The following ZBTB18 variants were observed in gnomAD, a reference collection of about 807,000 sequenced individuals.
ZBTB18 encodes zinc finger and BTB domain containing 18.
ZBTB18 carries 2 observed loss-of-function variants against 37.7 expected under a neutral mutation model. That is an observed-to-expected ratio of 0.05 (90% CI 0.02 to 0.17). The LOEUF is 0.17. ZBTB18 is among the 10% of genes least tolerant of loss of function. The pLI is 1.00. For synonymous variants in ZBTB18, 304 were observed against 276.5 expected (o/e 1.10, Z -0.99); for missense variants, 408 against 686.3 (o/e 0.59, Z 4.53).
At position 244,056,723 on chromosome 1, in the gene ZBTB18, G is replaced by A. The variant is rs1048186149; in HGVS notation, c.*1353G>A. On this transcript the variant is annotated 3_prime_UTR_variant, in exon 2 of 2. Transcript: ENST00000358704. ...ATTCTATGGACTGAAAAAGCCCCAG[G>A]CTGAAAGGACTGGACTGCCTTGATT... The A allele has an allele frequency of 1.9e-5, 3 of 157,030 alleles. No individual in the cohort carries two copies. The highest frequency in any genetic ancestry group is 7.9e-5 in the African/African-American group (3 of 37,852). The allele number at this position is 157,030 out of a possible 1,614,324, so 9.7% of individuals were successfully genotyped here.
chr1:244,048,628 G>GCCCCCCCCCCC (rs1325001619), upstream of ZBTB18, among the ~76,000 whole-genome samples: 4 of 79,488 alleles, frequency 5.0e-5, no homozygotes, highest in Non-Finnish European at 1.2e-4. Flanking sequence ...CCCCGCGCCC[G>GCCCCCCCCCCC]CCCCCCCCCC....
Position 244,057,039 on chromosome 1 carries a change from T to G in ZBTB18, c.*1669T>G, listed in dbSNP as rs1698488113. ...AAAACTCCATTGTGTGTTGCTGGACTGTTTTGGAAATATTTGGTTAAATGT... is the reference window on the plus strand; with the variant it reads ...AAAACTCCATTGTGTGTTGCTGGACGGTTTTGGAAATATTTGGTTAAATGT... On this transcript the variant is annotated 3_prime_UTR_variant, in exon 2 of 2. Transcript: ENST00000358704. The G allele has an allele frequency of 1.2e-5, 2 of 167,058 alleles. No individual in the cohort carries two copies. Among genetic ancestry groups the G allele is most frequent in the African/African-American group, 2.4e-5 (1 of 41,438 alleles). The allele number at this position is 167,058 out of a possible 1,614,324, so 10.3% of individuals were successfully genotyped here.
At chr1:244,050,473 G>C (rs2453189), upstream of ZBTB18, among the ~76,000 whole-genome samples, 4 of 140,826 alleles carry the variant, frequency 2.8e-5, no homozygotes, top group African/African-American at 1.1e-4. Context: ...AAGGGACACA[G>C]ATCAAGGGGA....
rs756449522 is a variant in ZBTB18 at position 244,054,974 on chromosome 1, G to T, written c.1200G>T (p.Thr400=). The T allele has an allele frequency of 1.2e-6, 2 of 1,613,950 alleles. No individual in the cohort carries two copies. The highest frequency in any genetic ancestry group is 1.7e-5 in the Admixed American group (1 of 60,010). Residue 400 remains threonine (T), a synonymous_variant, in exon 2 of 2, where the codon ACG becomes ACT. Coordinates refer to ENST00000358704, the MANE Select transcript of ZBTB18 (RefSeq NM_205768.3). This position sits in a 1 kb window ranked among gnomAD's most constrained non-coding sequence, Gnocchi z 9.0. The part of the protein sequence containing the change: ...SPHILQIHLS[T]HFREQDGIRS... ...ACATCCTGCAGATCCACCTGAGCACGCACTTCCGCGAGCAGGACGGCATCC... is the reference window on the plus strand; with the variant it reads ...ACATCCTGCAGATCCACCTGAGCACTCACTTCCGCGAGCAGGACGGCATCC...
upstream of ZBTB18, chr1:244,049,122 T>C (rs1476671436): frequency 7.4e-6 from 1 of 135,508 alleles, no homozygotes; most frequent in Non-Finnish European, 1.6e-5. Context: ...GCGGGCCGGG[T>C]CGGGGGCGCC....
At chr1:244,048,818 C>CG (rs1266691611), upstream of ZBTB18, 1 of 99,050 alleles carries the variant, frequency 1.0e-5, no homozygotes, top group African/African-American at 3.7e-5. Flanking sequence ...GAGGGAGGGG[C>CG]GGGGGGGAGC....
chr1:244,048,682 C>G (rs1239376799), upstream of ZBTB18, among the ~76,000 whole-genome samples: 1 of 145,134 alleles, frequency 6.9e-6, no homozygotes, highest in Non-Finnish European at 1.6e-5. Flanking sequence ...CGCTCGCTCC[C>G]TCGCTCGCTC....
chr1:244,054,458 A>G lies in ZBTB18; in HGVS notation c.684A>G (p.Thr228=), dbSNP rs1369367518. 18 of 1,614,208 alleles carry G rather than the reference A, an allele frequency of 1.1e-5. No homozygotes were observed. Among genetic ancestry groups the G allele is most frequent in the Non-Finnish European group, 1.4e-5 (17 of 1,180,036 alleles). Residue 228 remains threonine, a synonymous_variant, in exon 2 of 2, where the codon ACA becomes ACG. Coordinates refer to ENST00000358704, the MANE Select transcript of ZBTB18 (RefSeq NM_205768.3). The surrounding 1 kb of genome is among the most constrained non-coding windows in gnomAD (Gnocchi z 9.0). ...GKTVASPCSS[T]ESLSQRSVTS... ...CAGTAGCCAGCCCCTGCAGCTCAAC[A>G]GAGTCTTTGTCCCAGAGGTCTGTCA... is the stretch of plus-strand genomic sequence containing the variant.
At position 244,057,312 on chromosome 1, in the gene ZBTB18, C is replaced by T. The variant is rs1445519780; in HGVS notation, c.*1942C>T. On this transcript the variant is annotated 3_prime_UTR_variant, in exon 2 of 2. Transcript: ENST00000358704. ...TTTTTCCTTTTCTTAGTTTCACATT[C>T]TTCCTTTGTTCTAAAACTTAGACTG... 1.8e-5 allele frequency: 3 copies of T among 166,920 alleles called. No individual in the cohort carries two copies. Among genetic ancestry groups the T allele is most frequent in the African/African-American group, 4.8e-5 (2 of 41,444 alleles). The allele number at this position is 166,920 out of a possible 1,614,324, so 10.3% of individuals were successfully genotyped here.
upstream of ZBTB18, among the ~76,000 whole-genome samples, chr1:244,048,653 A>T (rs1455538517): frequency 1.2e-3 from 41 of 33,864 alleles, no homozygotes; most frequent in African/African-American, 4.9e-3. Context: ...CCGCCCCCCC[A>T]CCCGGCCCGG....
chr1:244,053,858 C>T lies in ZBTB18; in HGVS notation c.84C>T (p.His28=). ...HLLQCLSEQR[H]QGFLCDCTVL... ...TACAGTGTCTGAGCGAGCAGAGACA[C>T]CAGGGTTTTCTTTGTGACTGCACTG... Residue 28 remains histidine (H), a synonymous_variant, in exon 2 of 2, where the codon CAC becomes CAT. Transcript: ENST00000358704. This position sits in a 1 kb window ranked among gnomAD's most constrained non-coding sequence, Gnocchi z 5.2. 6.2e-7 allele frequency: 1 copy of T among 1,614,084 alleles called. No homozygotes were observed. The highest frequency in any genetic ancestry group is 8.5e-7 in the Non-Finnish European group (1 of 1,180,020).
At chr1:244,051,777 T>C (rs1308959538) in intron 1 of ZBTB18, among the ~76,000 whole-genome samples, 1 of 152,134 alleles carries the variant, frequency 6.6e-6, no homozygotes, top group South Asian at 2.1e-4. Flanking sequence ...GTGGTGGTGG[T>C]GGGGAAATAG....
intron 1 of ZBTB18, among the ~76,000 whole-genome samples, chr1:244,052,022 A>G (rs1698366257): frequency 6.6e-6 from 1 of 152,196 alleles, no homozygotes; most frequent in Non-Finnish European, 1.5e-5. Context: ...TCTTTCAAAT[A>G]TATATTTAAG....
chr1:244,053,704 C>A lies in ZBTB18; in HGVS notation c.14-84C>A, dbSNP rs761334695. On this transcript the variant is annotated intron_variant, in intron 1 of 1. Coordinates refer to ENST00000358704, the MANE Select transcript of ZBTB18 (RefSeq NM_205768.3). This position sits in a 1 kb window ranked among gnomAD's most constrained non-coding sequence, Gnocchi z 5.2. Reference sequence around the variant, plus strand: ...GGGACATGTACCACGGCGGCCAAAGCGGAATTAATTTTTTTATATGGGGAC... The same window carrying A: ...GGGACATGTACCACGGCGGCCAAAGAGGAATTAATTTTTTTATATGGGGAC... The A allele has an allele frequency of 6.6e-7, 1 of 1,520,648 alleles. No individual in the cohort carries two copies. The highest frequency in any genetic ancestry group is 1.3e-5 in the South Asian group (1 of 74,550). The allele number at this position is 1,520,648 out of a possible 1,614,324, so 94.2% of individuals were successfully genotyped here. A position where few individuals can be genotyped will look rare whatever the true frequency, so the allele number is the denominator to read the frequency against.
At position 244,054,979 on chromosome 1, in the gene ZBTB18, T is replaced by C; in HGVS notation, c.1205T>C (p.Phe402Ser). The C allele has an allele frequency of 6.2e-7, 1 of 1,614,014 alleles. No homozygotes were observed. The highest frequency in any genetic ancestry group is 8.5e-7 in the Non-Finnish European group (1 of 1,180,006). ...CTGCAGATCCACCTGAGCACGCACT[T>C]CCGCGAGCAGGACGGCATCCGCAGC... ...HILQIHLSTH[F>S]REQDGIRSKP... The change falls in exon 2 of 2, where the codon TTC (phenylalanine) becomes TCC (serine). Residue 402 changes from phenylalanine to serine, a missense_variant. Physicochemically the swap from Phe to Ser is radical, Grantham distance 155 (BLOSUM62 -2). This residue lies in a region of ZBTB18 where 266 missense variants were observed against 312.0 expected (regional missense o/e 0.85). Transcript: ENST00000358704. The surrounding 1 kb of genome is among the most constrained non-coding windows in gnomAD (Gnocchi z 9.0).
In ZBTB18 at chr1:244,056,390, A is replaced by G. The variant is rs560704968; in HGVS notation, c.*1020A>G. The G allele has an allele frequency of 3.6e-5, 6 of 167,242 alleles. No homozygotes were observed. In the East Asian group the frequency reaches 7.7e-4, roughly 21 times the overall value. 10.4% of individuals were successfully genotyped at this position (167,242 alleles called of 1,614,324 possible). ...AACTGTTAAGCTGAATAAAAACTTA[A>G]GCTGCAAATTGATAACTTCGCTACA... On this transcript the variant is annotated 3_prime_UTR_variant, in exon 2 of 2. Coordinates refer to ENST00000358704, the MANE Select transcript of ZBTB18 (RefSeq NM_205768.3).
In ZBTB18 at chr1:244,054,737, C is replaced by G. The variant is rs1195127736; in HGVS notation, c.963C>G (p.Ala321=). 6.2e-7 allele frequency: 1 copy of G among 1,614,100 alleles called. No homozygotes were observed. The highest frequency in any genetic ancestry group is 1.7e-5 in the Admixed American group (1 of 60,014). The change falls in exon 2 of 2, where the codon GCC becomes GCG. Residue 321 remains alanine (A), a synonymous_variant. Transcript: ENST00000358704. This position sits in a 1 kb window ranked among gnomAD's most constrained non-coding sequence, Gnocchi z 9.0. ...ATAACAGGGTACAGTATGAGCCGGCCCATCTGGCTCCCCTGAGGGAGGACT... is the reference window on the plus strand; with the variant it reads ...ATAACAGGGTACAGTATGAGCCGGCGCATCTGGCTCCCCTGAGGGAGGACT... ...STNNRVQYEP[A]HLAPLREDSV... is the part of the protein sequence containing the mutation.
chr1:244,054,619 A>C lies in ZBTB18; in HGVS notation c.845A>C (p.Lys282Thr). The change falls in exon 2 of 2, where the codon AAG (lysine) becomes ACG (threonine). Residue 282 changes from lysine to threonine, a missense_variant. Lys to Thr is a moderately conservative substitution (Grantham distance 78). Coordinates refer to ENST00000358704, the MANE Select transcript of ZBTB18 (RefSeq NM_205768.3). The surrounding 1 kb of genome is among the most constrained non-coding windows in gnomAD (Gnocchi z 9.0). ...CTGAGAAGCAACCTGGTGCAGGTGA[A>C]GGTGGAGAAAGAGGCTTCCTGTGAT... is the stretch of plus-strand genomic sequence containing the variant. Reference protein sequence around the residue: ...DVLRSNLVQVKVEKEASCDES... With the variant: ...DVLRSNLVQVTVEKEASCDES... 1.2e-6 allele frequency: 2 copies of C among 1,614,216 alleles called. No homozygotes were observed. The highest frequency in any genetic ancestry group is 1.7e-6 in the Non-Finnish European group (2 of 1,180,028).
At chr1:244,048,623 C>T (rs1176935235), upstream of ZBTB18, among the ~76,000 whole-genome samples, 1 of 87,560 alleles carries the variant, frequency 1.1e-5, no homozygotes, top group African/African-American at 4.5e-5. Flanking sequence ...CCCTCCCCCG[C>T]GCCCGCCCCC....
Sources: allele counts gnomAD v4.1 joint callset (sites outside exome capture counted in the v4.1 genomes callset), GRCh38; gene constraint gnomAD v4.1.1; regional missense constraint gnomAD v4.1.1; non-coding constraint Gnocchi (gnomAD v3.1); transcripts MANE v1.5; gene names NCBI Gene and HGNC (gene_info 2026-07-23, HGNC 2026-07-21).